The following EFCAB5 variants were observed in gnomAD, a reference collection of about 807,000 sequenced individuals.
EFCAB5 encodes EF-hand calcium-binding domain-containing protein 5.
EFCAB5 carries 131 observed loss-of-function variants against 167.9 expected under a neutral mutation model. The ratio of observed to expected loss-of-function variants is 0.78; its 90% CI spans 0.68 to 0.90. The LOEUF (loss-of-function observed/expected upper bound fraction) is 0.90. Among genes scored for constraint, EFCAB5 ranks in the 40% least tolerant of loss-of-function variants. EFCAB5 has a pLI of 0.00. For missense variants in EFCAB5, 1,663 were observed against 1,745.2 expected (o/e 0.95, Z 0.84); for synonymous variants, 574 against 602.8 (o/e 0.95, Z 0.70).
chr17:29,939,834 A>G (rs1167146581), upstream of EFCAB5, among the ~76,000 whole-genome samples: 6 of 152,176 alleles, frequency 3.9e-5, no homozygotes. Flanking sequence ...GACCACTAAC[A>G]CTTTGTCCAT....
intron 8 of EFCAB5, among the ~76,000 whole-genome samples, chr17:30,045,170 A>G (rs1015700591): frequency 6.6e-6 from 1 of 152,144 alleles, no homozygotes; most frequent in Non-Finnish European, 1.5e-5. Flanking sequence ...AAGAAGGGAC[A>G]TAAGTGGCCG....
intron 22 of EFCAB5, among the ~76,000 whole-genome samples, chr17:30,098,788 C>T (rs1321018488): frequency 1.3e-5 from 2 of 152,296 alleles, no homozygotes; most frequent in Middle Eastern, 3.4e-3. Flanking sequence ...AAATAGAAAC[C>T]CTGTACCCAT....
chr17:30,011,446 G>A (rs947043945), intron 7 of EFCAB5, among the ~76,000 whole-genome samples: 1 of 152,198 alleles, frequency 6.6e-6, no homozygotes, highest in South Asian at 2.1e-4. Flanking sequence ...AGCATGGAAT[G>A]TTCTTCCATT....
rs139939573 is a variant in EFCAB5 at position 30,050,790 on chromosome 17, G to A, written c.1201-328G>A. On this transcript the variant is annotated intron_variant, in intron 8 of 22. Coordinates refer to ENST00000394835, the MANE Select transcript of EFCAB5 (RefSeq NM_198529.4). ...AATGGAAAAAGGACAAGTAGGGAGC[G>A]GTAAATTGTTTCAAGTGACATACTC... 2.4e-4 allele frequency among the ~76,000 whole-genome samples: 37 copies of A among 152,162 alleles called. No homozygotes were observed. In the East Asian group the frequency reaches 5.2e-3, roughly 21 times the overall value.
intron 3 of EFCAB5, among the ~76,000 whole-genome samples, chr17:29,944,418 C>T (rs1459365842): frequency 1.3e-5 from 2 of 152,004 alleles, no homozygotes; most frequent in Non-Finnish European, 2.9e-5. Flanking sequence ...CATTCACCTT[C>T]TATTAATGCT....
Position 30,013,996 on chromosome 17 carries a change from T to C in EFCAB5, c.1044+14020T>C, listed in dbSNP as rs571056863. On this transcript the variant is annotated intron_variant, in intron 7 of 22. Transcript: ENST00000394835. Reference sequence around the variant, plus strand: ...TAAGTGTGTCCCAGAGATTCTGGCATGTTGTGTCTTTGTTCTCATTGGTTT... The same window carrying C: ...TAAGTGTGTCCCAGAGATTCTGGCACGTTGTGTCTTTGTTCTCATTGGTTT... Among the ~76,000 whole-genome samples the C allele has an allele frequency of 8.5e-5, 13 of 152,168 alleles. No individual in the cohort carries two copies. The East Asian group carries it at 2.5e-3, about 29-fold the overall frequency.
chr17:29,985,391 C>G (rs1485053778), intron 4 of EFCAB5, among the ~76,000 whole-genome samples: 3 of 152,166 alleles, frequency 2.0e-5, no homozygotes, highest in Admixed American at 6.5e-5. Context: ...CCACCCTAGA[C>G]ATGAATGCTG....
intron 22 of EFCAB5, among the ~76,000 whole-genome samples, chr17:30,100,072 A>G (rs2071360510): frequency 6.6e-6 from 1 of 152,114 alleles, no homozygotes; most frequent in Non-Finnish European, 1.5e-5. Flanking sequence ...GGATTCTGGG[A>G]TATACAGAAG....
At chr17:29,949,190 T>C (rs1250424674) in intron 3 of EFCAB5, among the ~76,000 whole-genome samples, 1 of 152,222 alleles carries the variant, frequency 6.6e-6, no homozygotes, top group East Asian at 1.9e-4. Flanking sequence ...ATAGGCTTTG[T>C]ACTGAGGCTC....
At chr17:29,957,679 A>G (rs888282063) in intron 3 of EFCAB5, among the ~76,000 whole-genome samples, 2 of 152,220 alleles carry the variant, frequency 1.3e-5, no homozygotes, top group African/African-American at 4.8e-5. Flanking sequence ...TTATGGCTGC[A>G]TAGTATTCCA....
chr17:30,024,823 T>C (rs1423248468), intron 7 of EFCAB5, among the ~76,000 whole-genome samples: 2 of 152,174 alleles, frequency 1.3e-5, no homozygotes, highest in Non-Finnish European at 2.9e-5. Context: ...GTGGTACTGG[T>C]ACCAAAACAG....
intron 14 of EFCAB5, among the ~76,000 whole-genome samples, chr17:30,066,718 A>G (rs1348163242): frequency 2.0e-5 from 3 of 152,122 alleles, no homozygotes; most frequent in Non-Finnish European, 4.4e-5. Flanking sequence ...CAAAAAATCA[A>G]CAAAACAAAA....
intron 14 of EFCAB5, among the ~76,000 whole-genome samples, chr17:30,063,899 A>G (rs1421821271): frequency 6.6e-6 from 1 of 152,242 alleles, no homozygotes; most frequent in Non-Finnish European, 1.5e-5. Flanking sequence ...GCTGACAGGT[A>G]TTGCTGATGT....
intron 8 of EFCAB5, among the ~76,000 whole-genome samples, chr17:30,041,201 A>AG (rs2069762047): frequency 1.4e-5 from 2 of 147,742 alleles, no homozygotes; most frequent in African/African-American, 2.6e-5. Context: ...GAAGGAAGGA[A>AG]GAAAGGAAAG....
At chr17:30,048,111 G>A (rs1451036830) in intron 8 of EFCAB5, among the ~76,000 whole-genome samples, 2 of 152,188 alleles carry the variant, frequency 1.3e-5, no homozygotes, top group African/African-American at 4.8e-5. Flanking sequence ...AGGATGTATA[G>A]ATGTCAGATA....
intron 22 of EFCAB5, among the ~76,000 whole-genome samples, chr17:30,100,961 G>A (rs2071374673): frequency 6.6e-6 from 1 of 152,230 alleles, no homozygotes; most frequent in African/African-American, 2.4e-5. Flanking sequence ...ATAGCAACAA[G>A]GAGGCCACTG....
In EFCAB5 at chr17:30,037,019, A is replaced by G. The variant is rs373343110; in HGVS notation, c.1200+2634A>G. 1.5e-4 allele frequency among the ~76,000 whole-genome samples: 23 copies of G among 152,286 alleles called. No individual in the cohort carries two copies. The East Asian group carries it at 2.5e-3, about 17-fold the overall frequency. Reference sequence around the variant, plus strand: ...ATGGTTGGAGATTGAGGGCAACATTATTGATACCCCTGGAAATTCCAGGTA... The same window carrying G: ...ATGGTTGGAGATTGAGGGCAACATTGTTGATACCCCTGGAAATTCCAGGTA... On this transcript the variant is annotated intron_variant, in intron 8 of 22. Coordinates refer to ENST00000394835, the MANE Select transcript of EFCAB5 (RefSeq NM_198529.4).
chr17:30,082,745 T>A (rs919671179), intron 17 of EFCAB5, 146 bp from the exon 18 acceptor site: 3 of 831,782 alleles, frequency 3.6e-6, no homozygotes, highest in Non-Finnish European at 5.3e-6. Flanking sequence ...TCTGGAACAC[T>A]GCCCTTTGAG....
chr17:30,038,238 C>A (rs1052426587), intron 8 of EFCAB5, among the ~76,000 whole-genome samples: 2 of 152,204 alleles, frequency 1.3e-5, no homozygotes, highest in Non-Finnish European at 2.9e-5. Flanking sequence ...GCTAGTGCAG[C>A]TGGTGACTTT....
Sources: gnomAD v4.1 joint callset for allele counts (sites outside exome capture counted in the v4.1 genomes callset) on GRCh38, gnomAD v4.1.1 for gene constraint, MANE v1.5 for transcripts, NCBI Gene and HGNC (gene_info 2026-07-23, HGNC 2026-07-21) for gene names.